Variants in ZNF207 observed in about 807,000 individuals in gnomAD.
ZNF207 encodes zinc finger protein 207.
In ZNF207, 24 loss-of-function variants were observed where a neutral mutation model predicts 60.2. The observed-to-expected ratio is 0.40, with a 90% CI of 0.29 to 0.56. ZNF207 has a LOEUF of 0.56. Among genes scored for constraint, ZNF207 ranks in the 20% least tolerant of loss-of-function variants. ZNF207 has a pLI of 0.49. For synonymous variants in ZNF207, 236 were observed against 194.7 expected (o/e 1.21, Z -1.77); for missense variants, 452 against 636.6 (o/e 0.71, Z 3.12).
intron 9 of ZNF207, among the ~76,000 whole-genome samples, chr17:32,367,467 A>G (rs1905256743): frequency 6.6e-6 from 1 of 151,584 alleles, no homozygotes; most frequent in African/African-American, 2.4e-5. Context: ...TATTTCAGCA[A>G]TCTGGAATAA....
rs773923637 is a variant in ZNF207, at chr17:32,369,360, C to T, written c.1230C>T (p.Ile410=). 20 of 1,613,958 alleles carry T rather than the reference C, an allele frequency of 1.2e-5. No individual in the cohort carries two copies. The highest frequency in any genetic ancestry group is 3.3e-4 in the Middle Eastern group (2 of 6,080). ...RNLPRPGQAP[I]GNPPVGPIGG... is the part of the protein sequence containing the mutation. ...TTCCTCGGCCAGGACAGGCCCCCAT[C>T]GGTAATCCACCAGTTGGACCAATTG... is the stretch of plus-strand genomic sequence containing the variant. The change falls in exon 11 of 12, where the codon ATC becomes ATT. Residue 410 remains isoleucine (I), a synonymous_variant. Coordinates refer to ENST00000394670, the MANE Select transcript of ZNF207 (RefSeq NM_001098507.2).
intron 7 of ZNF207, 82 bp from the exon 8 acceptor site, chr17:32,365,248 A>G: frequency 9.1e-6 from 13 of 1,432,416 alleles, no homozygotes; most frequent in Non-Finnish European, 1.2e-5. Flanking sequence ...GTTAATTGTT[A>G]ATAACTTTGT....
chr17:32,378,265 T>C lies in ZNF207; in HGVS notation c.*8506T>C, dbSNP rs1450800900. ...ACAGTTTCAGTTGGCTATGCCCTTGTTGATAGATGATATGGAGTCCAGGGC... is the reference window on the plus strand; with the variant it reads ...ACAGTTTCAGTTGGCTATGCCCTTGCTGATAGATGATATGGAGTCCAGGGC... On this transcript the variant is annotated 3_prime_UTR_variant, in exon 12 of 12. Transcript: ENST00000394670. 1 of 152,036 alleles carries C rather than the reference T, an allele frequency of 6.6e-6. No individual in the cohort carries two copies. Among genetic ancestry groups the C allele is most frequent in the East Asian group, 1.9e-4 (1 of 5,196 alleles). 9.4% of individuals were successfully genotyped at this position (152,036 alleles called of 1,614,324 possible). A position where few individuals can be genotyped will look rare whatever the true frequency, so the allele number is the denominator to read the frequency against.
In ZNF207 at chr17:32,373,431, A is replaced by T. The variant is rs1567830652; in HGVS notation, c.*3672A>T. On this transcript the variant is annotated 3_prime_UTR_variant, in exon 12 of 12. Transcript: ENST00000394670. ...ATAGGACAGGCTGAGGCTGAGTCTC[A>T]GTGTTGCCCTGTTCAGTCTGAGGCA... The T allele has an allele frequency of 1.5e-6, 1 of 682,938 alleles. No individual in the cohort carries two copies. 42.3% of individuals were successfully genotyped at this position (682,938 alleles called of 1,614,324 possible).
At chr17:32,369,025 A>T (rs1905338487) in intron 10 of ZNF207, 4 of 357,426 alleles carry the variant, frequency 1.1e-5, no homozygotes, top group Non-Finnish European at 5.1e-6. Context: ...GAATGTTAAT[A>T]ACAATACTTC....
chr17:32,366,881 A>G (rs1905186611), intron 9 of ZNF207, 124 bp downstream of exon 9: 2 of 792,486 alleles, frequency 2.5e-6, no homozygotes, highest in South Asian at 2.3e-5. Flanking sequence ...AGCAAAATTA[A>G]TGCTATATAA....
chr17:32,355,920 T>G (rs1904480554), intron 2 of ZNF207, among the ~76,000 whole-genome samples: 1 of 152,164 alleles, frequency 6.6e-6, no homozygotes, highest in African/African-American at 2.4e-5. Flanking sequence ...GTGATTACGG[T>G]GCTTTGAAGA....
rs1380616343 is a variant in ZNF207, at chr17:32,366,671, A to G, written c.835A>G (p.Thr279Ala). ...PLFPSAGQMG[T>A]PVTSSSTASS... ...CCTTTCTTTTATGCTACAGATGGGG[A>G]CACCTGTCACAAGCTCAAGTACAGC... The change falls in exon 9 of 12, where the codon ACA (threonine) becomes GCA (alanine). Residue 279 changes from threonine (T) to alanine (A), a missense_variant. By Grantham distance (58) the Thr-to-Ala change is moderately conservative. Around this residue, in one of 2 missense-constraint regions of ZNF207, gnomAD observed 390 missense variants for 461.4 expected, o/e 0.85. Coordinates refer to ENST00000394670, the MANE Select transcript of ZNF207 (RefSeq NM_001098507.2). 11 of 1,605,538 alleles carry G rather than the reference A, an allele frequency of 6.9e-6. No individual in the cohort carries two copies. The highest frequency in any genetic ancestry group is 9.3e-6 in the Non-Finnish European group (11 of 1,177,354).
At position 32,367,759 on chromosome 17, in the gene ZNF207, T is replaced by C. The variant is rs1905271127; in HGVS notation, c.922-13T>C. 2 of 1,613,108 alleles carry C rather than the reference T, an allele frequency of 1.2e-6. No homozygotes were observed. The highest frequency in any genetic ancestry group is 1.7e-5 in the Admixed American group (1 of 59,842). On this transcript the variant is annotated splice_polypyrimidine_tract_variant and intron_variant, in intron 9 of 11. Coordinates refer to ENST00000394670, the MANE Select transcript of ZNF207 (RefSeq NM_001098507.2). ...GTTTTGAAGTTTCGTTGATGAAGTA[T>C]TGTATTTTACAGGCTCAGGCAGCTG... is the stretch of plus-strand genomic sequence containing the variant.
Position 32,351,768 on chromosome 17 carries a change from C to T in ZNF207, c.42-18C>T. 6.2e-7 allele frequency: 1 copy of T among 1,608,598 alleles called. No homozygotes were observed. The highest frequency in any genetic ancestry group is 8.5e-7 in the Non-Finnish European group (1 of 1,176,864). ...TGTCATCATTAGGCTGTCTTTGTGC[C>T]TTAACAGTATTGATCAGGTATTGTA... is the stretch of plus-strand genomic sequence containing the variant. On this transcript the variant is annotated intron_variant, in intron 1 of 11. Coordinates refer to ENST00000394670, the MANE Select transcript of ZNF207 (RefSeq NM_001098507.2).
chr17:32,366,873 C>G (rs78869742), intron 9 of ZNF207, 116 bp downstream of exon 9: 1 of 871,500 alleles, frequency 1.1e-6, no homozygotes, highest in Non-Finnish European at 1.6e-6. Context: ...TTTTTTAAAG[C>G]AAAATTAATG....
chr17:32,375,447 G>A lies in ZNF207; in HGVS notation c.*5688G>A, dbSNP rs564736122. On this transcript the variant is annotated 3_prime_UTR_variant, in exon 12 of 12. Coordinates refer to ENST00000394670, the MANE Select transcript of ZNF207 (RefSeq NM_001098507.2). ...GCTCTTATCTGGTTGAGTACTGGGG[G>A]TGGGAAGGATTTAGTAATGTCATAA... is the stretch of plus-strand genomic sequence containing the variant. The A allele has an allele frequency of 2.6e-5, 4 of 152,240 alleles. No individual in the cohort carries two copies. Among genetic ancestry groups the A allele is most frequent in the Admixed American group, 1.3e-4 (2 of 15,290 alleles). The allele number at this position is 152,240 out of a possible 1,614,324, so 9.4% of individuals were successfully genotyped here.
At chr17:32,369,073 G>A (rs1905341011) in intron 10 of ZNF207, 3 of 475,708 alleles carry the variant, frequency 6.3e-6, no homozygotes, top group Non-Finnish European at 1.1e-5. Flanking sequence ...TGTAATTCCC[G>A]GAAAGTTGTT....
At chr17:32,356,636 ATC>A (rs1904523082) in intron 2 of ZNF207, among the ~76,000 whole-genome samples, 1 of 152,222 alleles carries the variant, frequency 6.6e-6, no homozygotes, top group Non-Finnish European at 1.5e-5. Flanking sequence ...GGGCAAATAT[ATC>A]TAAGTCATTA....
In ZNF207 at chr17:32,367,964, A is replaced by G; in HGVS notation, c.1114A>G (p.Thr372Ala). 2 of 1,614,216 alleles carry G rather than the reference A, an allele frequency of 1.2e-6. No homozygotes were observed. The highest frequency in any genetic ancestry group is 1.7e-6 in the Non-Finnish European group (2 of 1,180,036). The change falls in exon 10 of 12, where the codon ACA (threonine) becomes GCA (alanine). Residue 372 changes from threonine to alanine, a missense_variant. By Grantham distance (58) the Thr-to-Ala change is moderately conservative. Transcript: ENST00000394670. ...SITSKPATLT[T>A]TSATSKLIHP... Reference sequence around the variant, plus strand: ...AACAAGTAAGCCTGCTACACTTACAACAACTAGTGCAACCAGTAAGTTGAT... The same window carrying G: ...AACAAGTAAGCCTGCTACACTTACAGCAACTAGTGCAACCAGTAAGTTGAT...
In ZNF207 at chr17:32,370,155, T is replaced by G. The variant is rs555476188; in HGVS notation, c.*396T>G. On this transcript the variant is annotated 3_prime_UTR_variant, in exon 12 of 12. Coordinates refer to ENST00000394670, the MANE Select transcript of ZNF207 (RefSeq NM_001098507.2). ...GCATTTCAGATGCTGTTGGACTTCA[T>G]GTCCCCAACCTAGCTTGGTGAGGGC... 2 of 155,180 alleles carry G rather than the reference T, an allele frequency of 1.3e-5. No individual in the cohort carries two copies. Among genetic ancestry groups the G allele is most frequent in the African/African-American group, 4.8e-5 (2 of 41,560 alleles). The allele number at this position is 155,180 out of a possible 1,614,324, so 9.6% of individuals were successfully genotyped here.
chr17:32,352,015 TGG>T, intron 2 of ZNF207, 103 bp downstream of exon 2: 7 of 1,161,162 alleles, frequency 6.0e-6, no homozygotes, highest in Non-Finnish European at 8.3e-6. Context: ...TCGCCCAAGC[TGG>T]AGTGCAGTGG....
intron 7 of ZNF207, among the ~76,000 whole-genome samples, chr17:32,364,123 C>T (rs1342160561): frequency 6.6e-6 from 1 of 151,946 alleles, no homozygotes; most frequent in East Asian, 1.9e-4. Context: ...GCCGCAGCCT[C>T]CCAAAGTGCT....
In ZNF207 at chr17:32,367,282, T is replaced by TATATATATAA. The variant is rs1445385221; in HGVS notation, c.922-487_922-486insTATATAAATA. ...ATATATATATATATATATATATATA[T>TATATATATAA]ATAAAGAATACTACTAAAGGATGTA... On this transcript the variant is annotated intron_variant, in intron 9 of 11. Transcript: ENST00000394670. 9.3e-3 allele frequency among the ~76,000 whole-genome samples: 771 copies of TATATATATAA among 82,730 alleles called. 30 individuals are homozygous for TATATATATAA. The highest frequency in any genetic ancestry group is 0.046 in the South Asian group (126 of 2,714). The allele number at this position is 82,730 out of a possible 152,430, so 54.3% of individuals were successfully genotyped here.
Sources: allele counts gnomAD v4.1 joint callset (sites outside exome capture counted in the v4.1 genomes callset), GRCh38; gene constraint gnomAD v4.1.1; regional missense constraint gnomAD v4.1.1; transcripts MANE v1.5; gene names NCBI Gene and HGNC (gene_info 2026-07-23, HGNC 2026-07-21).